Variants in MYO1D observed in about 807,000 individuals in gnomAD.
The protein encoded by MYO1D is myosin ID.
A neutral mutation model predicts 122.0 loss-of-function variants in MYO1D; 83 were observed. The ratio of observed to expected loss-of-function variants is 0.68; its 90% confidence interval spans 0.57 to 0.82. The LOEUF is 0.82. Among genes scored for constraint, MYO1D ranks in the 40% least tolerant of loss-of-function variants. The pLI, the probability that MYO1D is intolerant of heterozygous loss-of-function variation, is 0.00. For missense variants in MYO1D, 1,157 were observed against 1,269.5 expected (o/e 0.91, Z 1.35); for synonymous variants, 464 against 446.9 (o/e 1.04, Z -0.48).
At chr17:32,609,866 A>G (rs1178005845) in intron 20 of MYO1D, among the ~76,000 whole-genome samples, 1 of 152,180 alleles carries the variant, frequency 6.6e-6, no homozygotes, top group Non-Finnish European at 1.5e-5. Context: ...GAATATAGCA[A>G]ACTCTCTGCC....
At chr17:32,655,585 A>C (rs1361950019) in intron 17 of MYO1D, among the ~76,000 whole-genome samples, 3 of 152,184 alleles carry the variant, frequency 2.0e-5, no homozygotes, top group African/African-American at 7.2e-5. Flanking sequence ...GGAAGAGAAG[A>C]GAACACAGCA....
At chr17:32,540,565 C>G (rs1009307359) in intron 21 of MYO1D, among the ~76,000 whole-genome samples, 2 of 151,930 alleles carry the variant, frequency 1.3e-5, no homozygotes, top group African/African-American at 4.8e-5. Flanking sequence ...CTTTAGTTAT[C>G]AGGGAAATGC....
chr17:32,570,717 C>T (rs1242438221), intron 21 of MYO1D, among the ~76,000 whole-genome samples: 4 of 152,106 alleles, frequency 2.6e-5, no homozygotes, highest in Non-Finnish European at 4.4e-5. Context: ...CCTTTCAAAG[C>T]GACTCTTGTA....
intron 1 of MYO1D, among the ~76,000 whole-genome samples, chr17:32,842,181 G>A (rs1598147575): frequency 1.3e-5 from 2 of 151,984 alleles, no homozygotes; most frequent in South Asian, 2.1e-4. Context: ...GAAGGTCAGC[G>A]GAACAAGGCA....
At chr17:32,864,624 T>G (rs1004469260) in intron 1 of MYO1D, among the ~76,000 whole-genome samples, 1 of 151,890 alleles carries the variant, frequency 6.6e-6, no homozygotes, top group African/African-American at 2.4e-5. Context: ...TTAGTGGTTT[T>G]TCCAAGAGCA....
At chr17:32,776,744 G>A (rs1314752008) in intron 3 of MYO1D, among the ~76,000 whole-genome samples, 1 of 152,154 alleles carries the variant, frequency 6.6e-6, no homozygotes, top group African/African-American at 2.4e-5. Context: ...CTTTGAAGCT[G>A]TATGGAATTT....
At chr17:32,581,254 G>C (rs548728201) in intron 21 of MYO1D, among the ~76,000 whole-genome samples, 1 of 151,762 alleles carries the variant, frequency 6.6e-6, no homozygotes, top group African/African-American at 2.4e-5. Flanking sequence ...CTTTTGTTAC[G>C]CAGTTAATAT....
At chr17:32,687,540 ACCATGTTGC>A (rs1161246163) in intron 16 of MYO1D, among the ~76,000 whole-genome samples, 1 of 151,708 alleles carries the variant, frequency 6.6e-6, no homozygotes, top group Non-Finnish European at 1.5e-5. Flanking sequence ...ACAGGATCTC[ACCATGTTGC>A]CCAGGCTGGT....
chr17:32,544,561 A>T (rs1365979599), intron 21 of MYO1D, among the ~76,000 whole-genome samples: 1 of 152,228 alleles, frequency 6.6e-6, no homozygotes, highest in East Asian at 1.9e-4. Context: ...CGTCTTATGA[A>T]GGTACTCTTA....
intron 1 of MYO1D, among the ~76,000 whole-genome samples, chr17:32,785,124 A>G (rs891439371): frequency 1.3e-5 from 2 of 152,222 alleles, no homozygotes; most frequent in Admixed American, 6.5e-5. Context: ...ACAGAATCTT[A>G]AAACCTACTG....
At chr17:32,539,040 C>G (rs1031177766) in intron 21 of MYO1D, among the ~76,000 whole-genome samples, 4 of 142,258 alleles carry the variant, frequency 2.8e-5, no homozygotes, top group African/African-American at 9.8e-5. Context: ...ACTGGTGCAG[C>G]AAACCACCAT....
Position 32,531,853 on chromosome 17 carries a change from A to G in MYO1D, c.2865-36938T>C, listed in dbSNP as rs370372175. ...TGTAGAGAAAAGTGATTGGGACAAC[A>G]TTTAAGCTTCTAGAGTATTATGTGT... On this transcript the variant is annotated intron_variant, in intron 21 of 21. Transcript: ENST00000318217. Among the ~76,000 whole-genome samples the G allele has an allele frequency of 5.9e-5, 9 of 152,240 alleles. No individual in the cohort carries two copies. The East Asian group carries it at 1.2e-3, about 20-fold the overall frequency.
At chr17:32,680,907 T>A (rs938289716) in intron 16 of MYO1D, among the ~76,000 whole-genome samples, 1 of 152,166 alleles carries the variant, frequency 6.6e-6, no homozygotes, top group Non-Finnish European at 1.5e-5. Flanking sequence ...GGTAAACTAT[T>A]GATTATTGCC....
At chr17:32,831,474 C>T (rs1215379656) in intron 1 of MYO1D, among the ~76,000 whole-genome samples, 1 of 152,164 alleles carries the variant, frequency 6.6e-6, no homozygotes, top group Admixed American at 6.5e-5. Context: ...GCATTAAGTG[C>T]TTTCAGATAA....
intron 20 of MYO1D, among the ~76,000 whole-genome samples, chr17:32,628,278 G>T (rs1438482434): frequency 1.3e-5 from 2 of 151,460 alleles, no homozygotes; most frequent in African/African-American, 4.9e-5. Context: ...CAATAATGCA[G>T]ATTCCAGTTG....
At position 32,808,208 on chromosome 17, in the gene MYO1D, C is replaced by T. The variant is rs143929082; in HGVS notation, c.96-27424G>A. ...GGGCAACATAGTAAAACCTTGTCTC[C>T]GCAAAAAAATTTAAAAATTACCCAG... On this transcript the variant is annotated intron_variant, in intron 1 of 21. Transcript: ENST00000318217. Among the ~76,000 whole-genome samples, 33 of 151,618 alleles carry T rather than the reference C, an allele frequency of 2.2e-4. 1 individual carries two copies. The highest frequency in any genetic ancestry group is 8.0e-4 in the African/African-American group (33 of 41,366).
At chr17:32,545,165 A>G (rs1398705247) in intron 21 of MYO1D, among the ~76,000 whole-genome samples, 1 of 152,190 alleles carries the variant, frequency 6.6e-6, no homozygotes, top group Non-Finnish European at 1.5e-5. Flanking sequence ...CAGAGTGCGC[A>G]AGACACAAAC....
chr17:32,509,733 C>T (rs1046045235), intron 21 of MYO1D, among the ~76,000 whole-genome samples: 9 of 152,120 alleles, frequency 5.9e-5, no homozygotes, highest in Non-Finnish European at 1.3e-4. Context: ...GGACTATAGG[C>T]GTGCGCCACC....
chr17:32,644,926 C>G (rs970588737), intron 19 of MYO1D, among the ~76,000 whole-genome samples: 1 of 152,100 alleles, frequency 6.6e-6, no homozygotes, highest in African/African-American at 2.4e-5. Context: ...AAGGTTAATA[C>G]TGTTATGTGT....
Sources: allele counts gnomAD v4.1 joint callset (sites outside exome capture counted in the v4.1 genomes callset), GRCh38; gene constraint gnomAD v4.1.1; transcripts MANE v1.5; gene names NCBI Gene and HGNC (gene_info 2026-07-23, HGNC 2026-07-21).